The following DPP6 variants were observed in gnomAD, a reference collection of about 807,000 sequenced individuals.
The protein encoded by DPP6 is A-type potassium channel modulatory protein DPP6.
In DPP6, 69 loss-of-function variants were observed where a neutral mutation model predicts 122.6. That is an observed-to-expected ratio of 0.56 (90% CI 0.46 to 0.69). The LOEUF (loss-of-function observed/expected upper bound fraction) is 0.69, where lower values mean the gene tolerates loss of function less well. Ranked by LOEUF, DPP6 falls within the 30% of genes least tolerant of loss-of-function variation. The probability of loss-of-function intolerance (pLI) is 0.00; values close to 1 mark genes in which losing one functional copy is unlikely to be tolerated. For synonymous variants in DPP6, 418 were observed against 433.1 expected, an observed-to-expected ratio of 0.97 and a Z score of 0.43; for missense variants, 928 against 1,116.9, an observed-to-expected ratio of 0.83 and a Z score of 2.41.
In DPP6 at chr7:154,691,070, A is replaced by C. The variant is rs73730206; in HGVS notation, c.762+21629A>C. On this transcript the variant is annotated intron_variant, in intron 7 of 25. Transcript: ENST00000377770. ...AGGATCACCTGTGACGAGCAACGTCAAAGTGTTTTGGTGCAACTCAAATGC... is the reference window on the plus strand; with the variant it reads ...AGGATCACCTGTGACGAGCAACGTCCAAGTGTTTTGGTGCAACTCAAATGC... Among the ~76,000 whole-genome samples, 1,367 of 152,332 alleles carry C rather than the reference A, an allele frequency of 9.0e-3. 22 individuals are homozygous for C. Among genetic ancestry groups the C allele is most frequent in the African/African-American group, 0.031 (1,293 of 41,574 alleles).
intron 1 of DPP6, among the ~76,000 whole-genome samples, chr7:154,248,260 T>G (rs1220508888): frequency 1.3e-5 from 2 of 152,166 alleles, no homozygotes; most frequent in East Asian, 1.9e-4. Context: ...GCACAAACTT[T>G]CAGACCATTA....
chr7:153,853,236 A>G, the DPP6 span, among the ~76,000 whole-genome samples: 2 of 152,186 alleles, frequency 1.3e-5, no homozygotes, highest in Non-Finnish European at 2.9e-5. Flanking sequence ...TCCCATGTCT[A>G]TAGCTGTTCT....
intron 1 of DPP6, among the ~76,000 whole-genome samples, chr7:154,367,845 C>G (rs945935022): frequency 6.6e-6 from 1 of 152,196 alleles, no homozygotes; most frequent in African/African-American, 2.4e-5. Context: ...GAGTCTCGCA[C>G]TGTTGTCCAG....
chr7:154,370,354 C>T (rs185219577), intron 1 of DPP6, among the ~76,000 whole-genome samples: 4 of 148,048 alleles, frequency 2.7e-5, no homozygotes, highest in Non-Finnish European at 5.9e-5. Context: ...ACAAGACAGG[C>T]CTATGGGAGG....
chr7:154,322,309 C>T (rs1808041383), intron 1 of DPP6, among the ~76,000 whole-genome samples: 1 of 152,186 alleles, frequency 6.6e-6, no homozygotes, highest in Non-Finnish European at 1.5e-5. Context: ...TTTGTAGAAG[C>T]TTGTTCTCCA....
chr7:154,251,541 C>A (rs78513700), intron 1 of DPP6, among the ~76,000 whole-genome samples: 1 of 152,172 alleles, frequency 6.6e-6, no homozygotes, highest in Non-Finnish European at 1.5e-5. Context: ...TAAAGTCCCA[C>A]GGTGGGCCAT....
intron 7 of DPP6, among the ~76,000 whole-genome samples, chr7:154,679,097 G>C (rs1343004860): frequency 6.6e-6 from 1 of 152,204 alleles, no homozygotes; most frequent in Non-Finnish European, 1.5e-5. Context: ...ACGCAGGATA[G>C]AGACAGAAGC....
At chr7:154,219,596 T>A (rs1389714669) in intron 1 of DPP6, among the ~76,000 whole-genome samples, 1 of 152,118 alleles carries the variant, frequency 6.6e-6, no homozygotes, top group African/African-American at 2.4e-5. Context: ...TTTTTTTCTT[T>A]GAGACGGAGT....
Position 154,338,197 on chromosome 7 carries a change from G to A in DPP6, c.244-108017G>A, listed in dbSNP as rs111543638. Among the ~76,000 whole-genome samples, 1,410 of 152,246 alleles carry A rather than the reference G, an allele frequency of 9.3e-3. 14 individuals carry two copies. Among genetic ancestry groups the A allele is most frequent in the Non-Finnish European group, 0.014 (986 of 68,018 alleles). ...CTCCATGAGCAGTTGTACTCCAGCA[G>A]GACTGTCACTCCAAATTGGACTCTC... On this transcript the variant is annotated intron_variant, in intron 1 of 25. Transcript: ENST00000377770.
chr7:154,650,521 G>A (rs951958888), intron 6 of DPP6, among the ~76,000 whole-genome samples: 3 of 152,194 alleles, frequency 2.0e-5, no homozygotes, highest in Non-Finnish European at 4.4e-5. Context: ...AAGAAGATAA[G>A]CCATGGTGTT....
chr7:154,086,779 C>A (rs60893424), intron 1 of DPP6, among the ~76,000 whole-genome samples: 22,148 of 151,906 alleles, frequency 0.15, 1,760 homozygotes, highest in African/African-American at 0.21. Flanking sequence ...TCACCACGCC[C>A]GGCTAATTTT....
chr7:154,144,768 A>G (rs1319342637), intron 1 of DPP6, among the ~76,000 whole-genome samples: 5 of 151,964 alleles, frequency 3.3e-5, no homozygotes, highest in African/African-American at 7.3e-5. Flanking sequence ...AACAAAACTG[A>G]CATCCTTATA....
Position 154,584,141 on chromosome 7 carries a change from G to A in DPP6, c.627+17225G>A, listed in dbSNP as rs117260908. On this transcript the variant is annotated intron_variant, in intron 5 of 25. Coordinates refer to ENST00000377770, the MANE Select transcript of DPP6 (RefSeq NM_130797.4). ...TCTGTGCTGGCCACGCTGCCTTCAG[G>A]GTGACCTTTCTCAGTGCCAATCAGG... Among the ~76,000 whole-genome samples the A allele has an allele frequency of 4.8e-3, 728 of 152,244 alleles. 11 individuals carry two copies. Among genetic ancestry groups the A allele is most frequent in the Non-Finnish European group, 6.1e-3 (412 of 68,028 alleles).
intron 7 of DPP6, among the ~76,000 whole-genome samples, chr7:154,707,518 A>G (rs567525313): frequency 1.6e-4 from 24 of 152,182 alleles, no homozygotes; most frequent in Non-Finnish European, 3.2e-4. Context: ...CAAAAATGAG[A>G]TGAGCCCTTG....
chr7:153,875,048 C>A, the DPP6 span, among the ~76,000 whole-genome samples: 5 of 152,036 alleles, frequency 3.3e-5, no homozygotes, highest in African/African-American at 7.2e-5. Flanking sequence ...AACAAACAGA[C>A]AAAATGTACC....
At chr7:154,153,426 A>G (rs144042745) in intron 1 of DPP6, among the ~76,000 whole-genome samples, 1,848 of 147,792 alleles carry the variant, frequency 0.013, no homozygotes, top group African/African-American at 0.046. Flanking sequence ...ATCTCAGGCG[A>G]TCTGCCCACC....
At position 154,621,877 on chromosome 7, in the gene DPP6, T is replaced by C. The variant is rs537108992; in HGVS notation, c.628-15944T>C. On this transcript the variant is annotated intron_variant, in intron 5 of 25. Coordinates refer to ENST00000377770, the MANE Select transcript of DPP6 (RefSeq NM_130797.4). ...AACACTGGCACATGAGTCCATAGAA[T>C]GTCTGGGAAAAGAGGCTTGTCGTAC... Among the ~76,000 whole-genome samples, 19 of 152,232 alleles carry C rather than the reference T, an allele frequency of 1.2e-4. 1 individual carries two copies. The South Asian group carries it at 1.5e-3, about 12-fold the overall frequency.
intron 1 of DPP6, among the ~76,000 whole-genome samples, chr7:154,367,797 TTTA>T (rs1231699548): frequency 6.6e-6 from 1 of 152,184 alleles, no homozygotes; most frequent in Non-Finnish European, 1.5e-5. Context: ...GATTGTAAAA[TTTA>T]TTATTGATTG....
In DPP6 at chr7:154,853,816, C is replaced by T. The variant is rs1428345668; in HGVS notation, c.1703C>T (p.Thr568Ile). 1.2e-6 allele frequency: 2 copies of T among 1,613,798 alleles called. No individual in the cohort carries two copies. Among genetic ancestry groups the T allele is most frequent in the Middle Eastern group, 1.6e-4 (1 of 6,062 alleles). ...GVPMVTVHNTTDKKKMFDLET... is the reference protein window; with the variant it reads ...GVPMVTVHNTIDKKKMFDLET... ...CCTATGGTGACGGTGCACAACACAA[C>T]AGATAAGAAAAGTAAGTGCTCTTTT... The change falls in exon 17 of 26, where the codon ACA becomes ATA. Residue 568 changes from threonine (T) to isoleucine (I), a missense_variant. Coordinates refer to ENST00000377770, the MANE Select transcript of DPP6 (RefSeq NM_130797.4).
Sources: gnomAD v4.1 joint callset for allele counts (sites outside exome capture counted in the v4.1 genomes callset) on GRCh38, gnomAD v4.1.1 for gene constraint, MANE v1.5 for transcripts, NCBI Gene and HGNC (gene_info 2026-07-23, HGNC 2026-07-21) for gene names.